The following PFDN1 variants were observed in gnomAD, a reference collection of about 807,000 sequenced individuals.
PFDN1 encodes the protein prefoldin subunit 1.
In PFDN1, 6 loss-of-function variants were observed where a neutral mutation model predicts 17.3. The ratio of observed to expected loss-of-function variants is 0.35; its 90% confidence interval spans 0.19 to 0.69. PFDN1 has a LOEUF of 0.69. PFDN1 is among the 30% of genes least tolerant of loss of function. The pLI is 0.65. For synonymous variants in PFDN1, 58 were observed against 50.1 expected (o/e 1.16, Z -0.67); for missense variants, 113 against 146.2 (o/e 0.77, Z 1.17).
At chr5:140,259,938 G>T (rs949640075) in intron 3 of PFDN1, among the ~76,000 whole-genome samples, 5 of 152,142 alleles carry the variant, frequency 3.3e-5, no homozygotes, top group Admixed American at 3.3e-4. Context: ...CAAAGAAGAC[G>T]TATTATTGGC....
intron 3 of PFDN1, chr5:140,262,468 T>A (rs1765078489): frequency 4.4e-6 from 2 of 453,092 alleles, no homozygotes; most frequent in Non-Finnish European, 8.9e-6. Flanking sequence ...ACCAAGTTCA[T>A]GAGATGGCTT....
intron 1 of PFDN1, among the ~76,000 whole-genome samples, chr5:140,301,436 T>C (rs1765744820): frequency 6.6e-6 from 1 of 152,248 alleles, no homozygotes; most frequent in Admixed American, 6.5e-5. Context: ...TTTCACATGC[T>C]GTTAAATTTG....
intron 3 of PFDN1, among the ~76,000 whole-genome samples, chr5:140,252,680 C>T (rs1285415313): frequency 2.6e-5 from 4 of 152,082 alleles, no homozygotes; most frequent in African/African-American, 7.2e-5. Context: ...GGCAAGAGGC[C>T]AAGAACTCAC....
intron 1 of PFDN1, 138 bp from the exon 2 acceptor site, chr5:140,300,720 A>G (rs895576155): frequency 6.2e-5 from 37 of 596,902 alleles, no homozygotes; most frequent in Admixed American, 3.3e-5. Context: ...AAAAGTCAAC[A>G]TAACTGTAAA....
At chr5:140,252,061 G>C (rs1338763298) in intron 3 of PFDN1, among the ~76,000 whole-genome samples, 1 of 147,726 alleles carries the variant, frequency 6.8e-6, no homozygotes, top group African/African-American at 2.5e-5. Context: ...TCTCCTCTCT[G>C]TCCCTCTATT....
In PFDN1 at chr5:140,254,284, T is replaced by C. The variant is rs956147499; in HGVS notation, c.286-8227A>G. On this transcript the variant is annotated intron_variant, in intron 3 of 3. Coordinates refer to ENST00000261813, the MANE Select transcript of PFDN1 (RefSeq NM_002622.5). The surrounding 1 kb of genome is among the most constrained non-coding windows in gnomAD (Gnocchi z 4.4). ...AAGATGGGGCTTTAAAGGGTAGGAC[T>C]GAGTCCAGCAGTTAGAGATTTTTAA... is the stretch of plus-strand genomic sequence containing the variant. Among the ~76,000 whole-genome samples the C allele has an allele frequency of 2.0e-5, 3 of 152,232 alleles. No individual in the cohort carries two copies. Among genetic ancestry groups the C allele is most frequent in the Non-Finnish European group, 2.9e-5 (2 of 68,034 alleles).
At chr5:140,259,529 A>C (rs1380979148) in intron 3 of PFDN1, among the ~76,000 whole-genome samples, 17 of 152,252 alleles carry the variant, frequency 1.1e-4, no homozygotes, top group Admixed American at 1.1e-3. Flanking sequence ...CTTCCAAATG[A>C]GCAAAAACAA....
At chr5:140,300,131 C>T (rs978112063) in intron 2 of PFDN1, among the ~76,000 whole-genome samples, 4 of 146,702 alleles carry the variant, frequency 2.7e-5, no homozygotes, top group Admixed American at 6.8e-5. Context: ...CCTCCACCTC[C>T]GGGGTTCAAG....
intron 3 of PFDN1, among the ~76,000 whole-genome samples, chr5:140,246,532 G>C (rs1489355394): frequency 6.6e-6 from 1 of 152,246 alleles, no homozygotes; most frequent in Admixed American, 6.5e-5. Flanking sequence ...GGGCTGCTGT[G>C]AGGGCTGTGG....
At chr5:140,271,466 C>A (rs1581088423) in intron 3 of PFDN1, among the ~76,000 whole-genome samples, 1 of 152,182 alleles carries the variant, frequency 6.6e-6, no homozygotes, top group East Asian at 1.9e-4. Context: ...AATTTTACAT[C>A]TTGCATTGAT....
At chr5:140,250,988 G>A (rs145124045) in intron 3 of PFDN1, among the ~76,000 whole-genome samples, 1,829 of 152,138 alleles carry the variant, frequency 0.012, 40 homozygotes, top group African/African-American at 0.042. Context: ...AAGGTAGAGT[G>A]CAATGGCATG....
In PFDN1 at chr5:140,273,200, G is replaced by A. The variant is rs181337609; in HGVS notation, c.285+8249C>T. ...GCGGAGGTTGCAGTGAGCCGAGATC[G>A]TGCCACTGCACTCTAGCCTGGGCAA... On this transcript the variant is annotated intron_variant, in intron 3 of 3. Transcript: ENST00000261813. 2.9e-3 allele frequency among the ~76,000 whole-genome samples: 440 copies of A among 150,062 alleles called. 2 individuals are homozygous for A. The highest frequency in any genetic ancestry group is 0.028 in the Middle Eastern group (8 of 290).
intron 2 of PFDN1, among the ~76,000 whole-genome samples, chr5:140,287,782 C>T (rs1765519736): frequency 6.6e-6 from 1 of 152,172 alleles, no homozygotes; most frequent in Non-Finnish European, 1.5e-5. Flanking sequence ...GGCAAAAGAT[C>T]TGACAGACAC....
chr5:140,300,286 C>T, intron 2 of PFDN1, 130 bp downstream of exon 2: 1 of 663,026 alleles, frequency 1.5e-6, no homozygotes, highest in Admixed American at 2.6e-5. Flanking sequence ...GCCTCGACCT[C>T]CCAAAGTGCC....
chr5:140,296,413 G>C (rs1049720131), intron 2 of PFDN1, among the ~76,000 whole-genome samples: 19 of 152,076 alleles, frequency 1.2e-4, no homozygotes, highest in African/African-American at 4.6e-4. Context: ...TGGGAAGACC[G>C]ACCCATTTAA....
At chr5:140,267,655 C>T (rs1005277594) in intron 3 of PFDN1, among the ~76,000 whole-genome samples, 3 of 152,088 alleles carry the variant, frequency 2.0e-5, no homozygotes, top group Admixed American at 6.5e-5. Flanking sequence ...AACCACCTCC[C>T]GCTTATTTGT....
intron 3 of PFDN1, among the ~76,000 whole-genome samples, chr5:140,253,046 G>A (rs1764936975): frequency 6.6e-6 from 1 of 152,194 alleles, no homozygotes; most frequent in African/African-American, 2.4e-5. Context: ...CTACACCGCT[G>A]GGAGACAAAT....
At chr5:140,265,405 C>T (rs946708830) in intron 3 of PFDN1, among the ~76,000 whole-genome samples, 2 of 151,956 alleles carry the variant, frequency 1.3e-5, no homozygotes, top group Admixed American at 6.5e-5. Flanking sequence ...ATACTTTTCC[C>T]TTAGTTGACC....
rs1561508718 is a variant in PFDN1, at chr5:140,278,587, A to AAAAAC, written c.285+2861_285+2862insGTTTT. ...AAAAAAAAAAAAAAAAAAAAAAAAAACAAAAAACAAAACATAAGCTCCAAA... is the reference window on the plus strand; with the variant it reads ...AAAAAAAAAAAAAAAAAAAAAAAAAAAAAACCAAAAAACAAAACATAAGCTCCAAA... On this transcript the variant is annotated intron_variant, in intron 3 of 3. Transcript: ENST00000261813. Among the ~76,000 whole-genome samples the AAAAAC allele has an allele frequency of 3.0e-5, 4 of 131,784 alleles. 1 individual carries two copies. Among genetic ancestry groups the AAAAAC allele is most frequent in the Non-Finnish European group, 6.4e-5 (4 of 62,896 alleles). 86.5% of individuals were successfully genotyped at this position (131,784 alleles called of 152,430 possible).
Sources: allele counts gnomAD v4.1 joint callset (sites outside exome capture counted in the v4.1 genomes callset), GRCh38; gene constraint gnomAD v4.1.1; non-coding constraint Gnocchi (gnomAD v3.1); transcripts MANE v1.5; gene names NCBI Gene and HGNC (gene_info 2026-07-23, HGNC 2026-07-21).